The following KLHL29 variants were observed in gnomAD, a reference collection of about 807,000 sequenced individuals.
KLHL29 encodes kelch-like protein 29.
Under a neutral mutation model 80.4 loss-of-function variants are expected in KLHL29, and 21 were observed. The ratio of observed to expected loss-of-function variants is 0.26; its 90% CI spans 0.19 to 0.38. The LOEUF (loss-of-function observed/expected upper bound fraction) is 0.38. Among genes scored for constraint, KLHL29 ranks in the 10% least tolerant of loss-of-function variants. The pLI is 1.00. For missense variants in KLHL29, 867 were observed against 1,223.9 expected (o/e 0.71, Z 4.35); for synonymous variants, 511 against 526.8 (o/e 0.97, Z 0.41).
intron 5 of KLHL29, among the ~76,000 whole-genome samples, chr2:23,659,215 A>G (rs985966615): frequency 1.3e-5 from 2 of 152,214 alleles, no homozygotes; most frequent in African/African-American, 2.4e-5. Context: ...GGAGTTGTGC[A>G]GTGTGCAACT....
intron 2 of KLHL29, among the ~76,000 whole-genome samples, chr2:23,516,064 A>G (rs1333507701): frequency 6.6e-6 from 1 of 152,260 alleles, no homozygotes; most frequent in Non-Finnish European, 1.5e-5. Context: ...GCTGGACAGC[A>G]GGGTCCCCTC....
chr2:23,409,371 C>T (rs1666808988), intron 1 of KLHL29, among the ~76,000 whole-genome samples: 1 of 152,192 alleles, frequency 6.6e-6, no homozygotes, highest in Admixed American at 6.5e-5. Flanking sequence ...CTGATTCTTC[C>T]TAGCATATGG....
At chr2:23,543,704 T>G (rs1666905726) in intron 2 of KLHL29, among the ~76,000 whole-genome samples, 1 of 152,226 alleles carries the variant, frequency 6.6e-6, no homozygotes, top group Non-Finnish European at 1.5e-5. Flanking sequence ...AGCTATTTGG[T>G]ATTTCCACTG....
chr2:23,479,989 C>A (rs1046630273), intron 2 of KLHL29, among the ~76,000 whole-genome samples: 3 of 152,224 alleles, frequency 2.0e-5, no homozygotes, highest in Non-Finnish European at 4.4e-5. Flanking sequence ...GGATTGGAGG[C>A]AAGCTCTGGA....
chr2:23,619,245 C>T (rs1043164907), intron 3 of KLHL29, among the ~76,000 whole-genome samples: 2 of 152,228 alleles, frequency 1.3e-5, no homozygotes, highest in African/African-American at 4.8e-5. Context: ...GCAGGTGAGG[C>T]TCTGAGCTAA....
rs904023592 is a variant in KLHL29 at position 23,503,125 on chromosome 2, A to G, written c.-46+27458A>G. 2.6e-5 allele frequency among the ~76,000 whole-genome samples: 4 copies of G among 152,216 alleles called. No individual in the cohort carries two copies. The South Asian group carries it at 6.2e-4, about 24-fold the overall frequency. On this transcript the variant is annotated intron_variant, in intron 2 of 13. Transcript: ENST00000486442. The surrounding 1 kb of genome is among the most constrained non-coding windows in gnomAD (Gnocchi z 4.0). The stretch of plus-strand genomic sequence containing the variant: ...CTTTGTAAAATTACCCCAGGGCATG[A>G]TAAGAAAAGGAGTAAGCAATTAAAA...
chr2:23,628,283 G>C (rs1047251903), intron 3 of KLHL29, among the ~76,000 whole-genome samples: 2 of 152,148 alleles, frequency 1.3e-5, no homozygotes, highest in Non-Finnish European at 1.5e-5. Flanking sequence ...AGATAATGGA[G>C]ACTCAGTCTT....
At chr2:23,558,747 C>T (rs1013389251) in intron 2 of KLHL29, among the ~76,000 whole-genome samples, 1 of 152,252 alleles carries the variant, frequency 6.6e-6, no homozygotes. Flanking sequence ...GTGGAACTTC[C>T]AGTCAGGAGA....
intron 2 of KLHL29, among the ~76,000 whole-genome samples, chr2:23,536,627 A>G (rs2103481129): frequency 6.6e-6 from 1 of 152,300 alleles, no homozygotes; most frequent in South Asian, 2.1e-4. Flanking sequence ...GGGGGCTGCC[A>G]ACCTTTTCGT....
intron 5 of KLHL29, among the ~76,000 whole-genome samples, chr2:23,663,670 G>T (rs1572476973): frequency 3.3e-5 from 5 of 152,356 alleles, no homozygotes; most frequent in Admixed American, 3.3e-4. Flanking sequence ...GATTGCCGTT[G>T]TGTTCTCAAT....
chr2:23,513,911 C>T (rs1194461620), intron 2 of KLHL29, among the ~76,000 whole-genome samples: 2 of 152,180 alleles, frequency 1.3e-5, no homozygotes, highest in Non-Finnish European at 2.9e-5. Flanking sequence ...ATCTGCTGCA[C>T]TTGAGCAATT....
chr2:23,528,213 T>A (rs920122775), intron 2 of KLHL29, among the ~76,000 whole-genome samples: 1 of 152,034 alleles, frequency 6.6e-6, no homozygotes, highest in Non-Finnish European at 1.5e-5. Context: ...CTAAAAATTG[T>A]TTCTATTCTG....
chr2:23,544,702 G>A (rs1666936635), intron 2 of KLHL29, among the ~76,000 whole-genome samples: 2 of 152,212 alleles, frequency 1.3e-5, no homozygotes, highest in Non-Finnish European at 2.9e-5. Context: ...AGAAGAGGCT[G>A]GAAGGCAATA....
intron 11 of KLHL29, among the ~76,000 whole-genome samples, chr2:23,698,396 AC>A (rs1350231146): frequency 6.6e-6 from 1 of 151,914 alleles, no homozygotes; most frequent in Non-Finnish European, 1.5e-5. Context: ...GTGTAGCTAG[AC>A]CCCCTTCGGG....
At chr2:23,584,971 G>T (rs1668082425) in intron 3 of KLHL29, among the ~76,000 whole-genome samples, 1 of 152,156 alleles carries the variant, frequency 6.6e-6, no homozygotes, top group Non-Finnish European at 1.5e-5. Flanking sequence ...TCCTGACTCA[G>T]GTGATCCACC....
Position 23,604,701 on chromosome 2 carries a change from A to G in KLHL29, c.286-34438A>G, listed in dbSNP as rs1668660465. Among the ~76,000 whole-genome samples, 5 of 152,126 alleles carry G rather than the reference A, an allele frequency of 3.3e-5. No individual in the cohort carries two copies. In the South Asian group the frequency reaches 1.0e-3, roughly 32 times the overall value. ...TTGGAGTCATTTTAGACCATCATAG[A>G]TCTGAGCAAGAGGCAGGGTGAAGAC... On this transcript the variant is annotated intron_variant, in intron 3 of 13. Transcript: ENST00000486442.
At chr2:23,586,783 G>A (rs1470313825) in intron 3 of KLHL29, among the ~76,000 whole-genome samples, 6 of 152,132 alleles carry the variant, frequency 3.9e-5, no homozygotes, top group African/African-American at 7.2e-5. Flanking sequence ...TCAGCCTCGA[G>A]AGGGCTGCCT....
At chr2:23,510,151 C>A (rs946100019) in intron 2 of KLHL29, among the ~76,000 whole-genome samples, 1 of 152,052 alleles carries the variant, frequency 6.6e-6, no homozygotes, top group Non-Finnish European at 1.5e-5. Flanking sequence ...AGTGTGAGGC[C>A]ATGTGCTCAG....
chr2:23,422,143 G>C (rs1662832810), intron 1 of KLHL29, among the ~76,000 whole-genome samples: 2 of 151,640 alleles, frequency 1.3e-5, no homozygotes, highest in South Asian at 4.2e-4. Context: ...TGTTGTGTGT[G>C]TCTGTGTGAG....
Sources: gnomAD v4.1 joint callset for allele counts (sites outside exome capture counted in the v4.1 genomes callset) on GRCh38, gnomAD v4.1.1 for gene constraint, Gnocchi (gnomAD v3.1) non-coding constraint, MANE v1.5 for transcripts, NCBI Gene and HGNC (gene_info 2026-07-23, HGNC 2026-07-21) for gene names.